The following COL5A3 variants were observed in gnomAD, a reference collection of about 807,000 sequenced individuals.
The protein encoded by COL5A3 is collagen type V alpha 3 chain, also known as collagen alpha-3(V) chain.
COL5A3 carries 172 observed loss-of-function variants against 250.0 expected under a neutral mutation model. The ratio of observed to expected loss-of-function variants is 0.69; its 90% CI spans 0.61 to 0.78. The LOEUF (loss-of-function observed/expected upper bound fraction) is 0.78, where lower values mean the gene tolerates loss of function less well. Ranked by LOEUF, COL5A3 falls within the 30% of genes least tolerant of loss-of-function variation. COL5A3 has a pLI of 0.00. For missense variants in COL5A3, 2,340 were observed against 2,334.4 expected (o/e 1.00, Z -0.05); for synonymous variants, 937 against 900.4 (o/e 1.04, Z -0.73).
intron 1 of COL5A3, among the ~76,000 whole-genome samples, chr19:10,008,302 T>C (rs76715988): frequency 0.093 from 14,210 of 152,226 alleles, 1,180 homozygotes; most frequent in African/African-American, 0.23. Flanking sequence ...CTTCCCGGCA[T>C]CCAACTCAAA....
Position 9,978,544 on chromosome 19 carries a change from C to T in COL5A3, c.3018+30G>A, listed in dbSNP as rs116927932. 8,214 of 1,510,626 alleles carry T rather than the reference C, an allele frequency of 5.4e-3. 279 individuals carry two copies. In the East Asian group the frequency reaches 0.073, roughly 13 times the overall value. The allele number at this position is 1,510,626 out of a possible 1,614,324, so 93.6% of individuals were successfully genotyped here. A position where few individuals can be genotyped will look rare whatever the true frequency, so the allele number is the denominator to read the frequency against. The stretch of plus-strand genomic sequence containing the variant: ...GACACCTTGAGTCCCCTCCACCCTG[C>T]CCCCACCCAGCACATGGGGTTATAC... On this transcript the variant is annotated intron_variant, in intron 41 of 66. Coordinates refer to ENST00000264828, the MANE Select transcript of COL5A3 (RefSeq NM_015719.4).
chr19:9,965,780 G>A (rs935271411), intron 64 of COL5A3, among the ~76,000 whole-genome samples: 1 of 152,116 alleles, frequency 6.6e-6, no homozygotes, highest in Non-Finnish European at 1.5e-5. Flanking sequence ...AGTTTTCCTT[G>A]TCTGTCTTCC....
intron 45 of COL5A3, 92 bp from the exon 46 acceptor site, chr19:9,974,500 G>T (rs1455347140): frequency 1.0e-6 from 1 of 954,970 alleles, no homozygotes; most frequent in Admixed American, 3.1e-5. Flanking sequence ...TTAAGGGTTG[G>T]AGTCAGGGTT....
chr19:9,971,156 G>C (rs2086840084), intron 52 of COL5A3, 49 bp downstream of exon 52: 1 of 1,475,744 alleles, frequency 6.8e-7, no homozygotes, highest in Non-Finnish European at 9.1e-7. Context: ...TAGGGAGATG[G>C]GGACAGAATT....
In COL5A3 at chr19:9,980,628, AC is replaced by A. The variant is rs757410506; in HGVS notation, c.2604+19del. 1 of 1,610,158 alleles carries A rather than the reference AC, an allele frequency of 6.2e-7. No homozygotes were observed. Among genetic ancestry groups the A allele is most frequent in the Non-Finnish European group, 8.5e-7 (1 of 1,177,620 alleles). On this transcript the variant is annotated intron_variant, in intron 35 of 66. Transcript: ENST00000264828. ...CACACACACACACATTCACACACAC[AC>A]ACACACACACACACTCACCTTTTCT...
chr19:9,996,097 A>G lies in COL5A3; in HGVS notation c.1502T>C (p.Leu501Pro). The change falls in exon 15 of 67, where the codon CTG becomes CCG. Residue 501 changes from leucine to proline, a missense_variant. This residue lies in a region of COL5A3 where 1,152 missense variants were observed against 1,146.3 expected (regional missense o/e 1.00). Coordinates refer to ENST00000264828, the MANE Select transcript of COL5A3 (RefSeq NM_015719.4). Reference protein sequence around the residue: ...GPVGLPGHPGLKGEEGAEGPQ... With the variant: ...GPVGLPGHPGPKGEEGAEGPQ... ...CCCTTCTGCTCCCTCCTCTCCTTTC[A>G]GACCTGGATGCCCGGGGAGACCCTT... The G allele has an allele frequency of 6.3e-7, 1 of 1,584,390 alleles. No individual in the cohort carries two copies. Among genetic ancestry groups the G allele is most frequent in the Non-Finnish European group, 8.6e-7 (1 of 1,166,414 alleles).
chr19:9,997,877 C>T, intron 10 of COL5A3, 107 bp downstream of exon 10: 1 of 1,218,328 alleles, frequency 8.2e-7, no homozygotes, highest in Non-Finnish European at 1.2e-6. Flanking sequence ...GTCCACTACC[C>T]TCCACTTGGC....
At chr19:9,984,342 T>C (rs1267355110) in intron 31 of COL5A3, among the ~76,000 whole-genome samples, 1 of 152,170 alleles carries the variant, frequency 6.6e-6, no homozygotes, top group Non-Finnish European at 1.5e-5. Context: ...TTTAGGTTCC[T>C]GCTCTACTCT....
intron 41 of COL5A3, among the ~76,000 whole-genome samples, chr19:9,978,168 G>T (rs1464037113): frequency 6.6e-6 from 1 of 151,896 alleles, no homozygotes; most frequent in Non-Finnish European, 1.5e-5. Flanking sequence ...CTGGATAAAT[G>T]ATCTCAATGA....
chr19:9,960,388 G>A lies in COL5A3; in HGVS notation c.*23C>T, dbSNP rs762390903. The stretch of plus-strand genomic sequence containing the variant: ...GCACCCCATTCTGGGGCTCCCTCAT[G>A]GTCCCTCCCACCCCGGACACTCTCA... On this transcript the variant is annotated 3_prime_UTR_variant, in exon 67 of 67. Transcript: ENST00000264828. 15 of 1,613,428 alleles carry A rather than the reference G, an allele frequency of 9.3e-6. No individual in the cohort carries two copies. Among genetic ancestry groups the A allele is most frequent in the East Asian group, 2.2e-5 (1 of 44,878 alleles).
rs556320011 is a variant in COL5A3 at position 10,001,829 on chromosome 19, G to A, written c.902C>T (p.Thr301Ile). The change falls in exon 7 of 67, where the codon ACC (threonine) becomes ATC (isoleucine). Residue 301 changes from threonine (T) to isoleucine (I), a missense_variant. This residue lies in a region of COL5A3 where 1,152 missense variants were observed against 1,146.3 expected (regional missense o/e 1.00). Transcript: ENST00000264828. ...GGAGGTGACGACCAAAGGCGTGGGG[G>A]TCGGAGGCAGATTTGGAGCTGGAGT... Reference protein sequence around the residue: ...TETPAPNLPPTPTPLVVTSTV... With the variant: ...TETPAPNLPPIPTPLVVTSTV... 29 of 1,614,190 alleles carry A rather than the reference G, an allele frequency of 1.8e-5. No homozygotes were observed. The South Asian group carries it at 3.0e-4, about 16-fold the overall frequency.
At position 9,980,000 on chromosome 19, in the gene COL5A3, G is replaced by C; in HGVS notation, c.2652C>G (p.Gly884=). 6.3e-7 allele frequency: 1 copy of C among 1,586,450 alleles called. No homozygotes were observed. The highest frequency in any genetic ancestry group is 8.5e-7 in the Non-Finnish European group (1 of 1,172,700). Residue 884 remains glycine, a synonymous_variant, in exon 36 of 67, where the codon GGC becomes GGG. Transcript: ENST00000264828. ...QGPPGFPGPK[G]PPGHQGKDGR... ...TGAGGGTGACCTCACTCACAGGGGG[G>C]CCCTTTGGCCCAGGGAATCCTGGAG...
At position 9,968,886 on chromosome 19, in the gene COL5A3, A is replaced by G. The variant is rs1038608970; in HGVS notation, c.4153-158T>C. The G allele has an allele frequency of 4.3e-6, 3 of 697,222 alleles. No homozygotes were observed. In the East Asian group the frequency reaches 8.2e-5, roughly 19 times the overall value. The allele number at this position is 697,222 out of a possible 1,614,324, so 43.2% of individuals were successfully genotyped here. A position where few individuals can be genotyped will look rare whatever the true frequency, so the allele number is the denominator to read the frequency against. On this transcript the variant is annotated intron_variant, in intron 57 of 66. Coordinates refer to ENST00000264828, the MANE Select transcript of COL5A3 (RefSeq NM_015719.4). The surrounding 1 kb of genome is among the most constrained non-coding windows in gnomAD (Gnocchi z 4.1). Reference sequence around the variant, plus strand: ...GGTCAGAGTAGGCCACCAAGGTGGGATGATGAGAGCTAATGAGGGGTTGAC... The same window carrying G: ...GGTCAGAGTAGGCCACCAAGGTGGGGTGATGAGAGCTAATGAGGGGTTGAC...
At chr19:9,978,809 A>G (rs2086962484) in intron 40 of COL5A3, 82 bp downstream of exon 40, 11 of 1,083,674 alleles carry the variant, frequency 1.0e-5, no homozygotes, top group Admixed American at 1.0e-4. Context: ...CGCACCCCAA[A>G]TGCTATTCCC....
At chr19:9,966,464 G>T in intron 63 of COL5A3, 38 bp from the exon 64 acceptor site, 1 of 1,572,830 alleles carries the variant, frequency 6.4e-7, no homozygotes, top group South Asian at 1.2e-5. Flanking sequence ...AGTCCGGATG[G>T]GACCCGACGG....
rs2087361049 is a variant in COL5A3, at chr19:10,001,561, G to A, written c.1073C>T (p.Ala358Val). 6.2e-7 allele frequency: 1 copy of A among 1,613,924 alleles called. No homozygotes were observed. Among genetic ancestry groups the A allele is most frequent in the Non-Finnish European group, 8.5e-7 (1 of 1,180,010 alleles). ...GAACTGAGTCCGAGATGGATATTCT[G>A]CTGCCCGGAAGTCAGGGCCCATGGT... Reference protein sequence around the residue: ...DSTMGPDFRAAEYPSRTQFQI... With the variant: ...DSTMGPDFRAVEYPSRTQFQI... The change falls in exon 8 of 67, where the codon GCA (alanine) becomes GTA (valine). Residue 358 changes from alanine (A) to valine (V), a missense_variant. Coordinates refer to ENST00000264828, the MANE Select transcript of COL5A3 (RefSeq NM_015719.4).
At chr19:10,003,460 G>T in intron 6 of COL5A3, 105 bp downstream of exon 6, 1 of 1,123,540 alleles carries the variant, frequency 8.9e-7, no homozygotes, top group Non-Finnish European at 1.3e-6. Flanking sequence ...CCAGAGATTA[G>T]TAGAGATGGG....
chr19:9,962,595 C>T (rs537515097), intron 65 of COL5A3, among the ~76,000 whole-genome samples: 2 of 152,282 alleles, frequency 1.3e-5, no homozygotes, highest in East Asian at 1.9e-4. Context: ...TAAATTTCCA[C>T]CATGCCCTGT....
intron 49 of COL5A3, 28 bp downstream of exon 49, chr19:9,973,728 C>A: frequency 6.2e-7 from 1 of 1,613,820 alleles, no homozygotes; most frequent in Non-Finnish European, 8.5e-7. Flanking sequence ...CTCTTCCCCC[C>A]GTGCAGCCCC....
Sources: gnomAD v4.1 joint callset for allele counts (sites outside exome capture counted in the v4.1 genomes callset) on GRCh38, gnomAD v4.1.1 for gene constraint, gnomAD v4.1.1 regional missense constraint, Gnocchi (gnomAD v3.1) non-coding constraint, MANE v1.5 for transcripts, NCBI Gene and HGNC (gene_info 2026-07-23, HGNC 2026-07-21) for gene names.